Variants in COL25A1 observed in about 807,000 individuals in gnomAD.
The protein encoded by COL25A1 is collagen alpha-1(XXV) chain.
In COL25A1, 103 loss-of-function variants were observed where a neutral mutation model predicts 128.4. The observed-to-expected ratio is 0.80, with a 90% CI of 0.68 to 0.94. The LOEUF (loss-of-function observed/expected upper bound fraction) is 0.94. COL25A1 is among the 40% of genes least tolerant of loss of function. The pLI is 0.00. For missense variants in COL25A1, 745 were observed against 840.0 expected (o/e 0.89, Z 1.40); for synonymous variants, 279 against 277.2 (o/e 1.01, Z -0.06).
At chr4:109,139,818 C>T (rs1411400495) in intron 3 of COL25A1, among the ~76,000 whole-genome samples, 3 of 151,182 alleles carry the variant, frequency 2.0e-5, no homozygotes, top group African/African-American at 7.3e-5. Context: ...TGCTATCCCA[C>T]CCCCTCCCCC....
At chr4:109,121,725 A>C (rs563433810) in intron 3 of COL25A1, among the ~76,000 whole-genome samples, 3 of 152,242 alleles carry the variant, frequency 2.0e-5, no homozygotes. Context: ...AGTTTCTTAC[A>C]AAATGAAACA....
intron 5 of COL25A1, among the ~76,000 whole-genome samples, chr4:109,028,281 T>A (rs1189818613): frequency 6.6e-6 from 1 of 152,136 alleles, no homozygotes; most frequent in Non-Finnish European, 1.5e-5. Flanking sequence ...GCTAATTTTC[T>A]ATTTTTTTGT....
At chr4:109,021,021 T>C (rs1757693708) in intron 5 of COL25A1, among the ~76,000 whole-genome samples, 2 of 152,204 alleles carry the variant, frequency 1.3e-5, no homozygotes, top group African/African-American at 4.8e-5. Context: ...CATGGTGCAA[T>C]ACTCTCTCGA....
intron 3 of COL25A1, among the ~76,000 whole-genome samples, chr4:109,230,564 T>C (rs944446216): frequency 2.0e-5 from 3 of 152,208 alleles, no homozygotes; most frequent in Non-Finnish European, 4.4e-5. Context: ...GAAGATGCTA[T>C]AAAACTTAAC....
chr4:109,061,111 C>T (rs1366019153), intron 3 of COL25A1, among the ~76,000 whole-genome samples: 1 of 152,184 alleles, frequency 6.6e-6, no homozygotes, highest in Non-Finnish European at 1.5e-5. Flanking sequence ...AAATCCAACC[C>T]TAAGTCTCCA....
intron 3 of COL25A1, among the ~76,000 whole-genome samples, chr4:109,201,233 T>C (rs1438972127): frequency 6.6e-6 from 1 of 152,146 alleles, no homozygotes. Context: ...TAATTTATGA[T>C]AAAGAATAGA....
intron 6 of COL25A1, among the ~76,000 whole-genome samples, chr4:108,987,012 G>A (rs1310177953): frequency 6.6e-6 from 1 of 152,126 alleles, no homozygotes; most frequent in Non-Finnish European, 1.5e-5. Flanking sequence ...TGGGTGATAG[G>A]TCTAGGTCAA....
At chr4:109,101,897 C>G (rs932323569) in intron 3 of COL25A1, among the ~76,000 whole-genome samples, 1 of 152,124 alleles carries the variant, frequency 6.6e-6, no homozygotes, top group Non-Finnish European at 1.5e-5. Flanking sequence ...AACTCACAAC[C>G]AAGAGTTTAA....
At chr4:109,146,217 A>C (rs951806198) in intron 3 of COL25A1, among the ~76,000 whole-genome samples, 1 of 152,204 alleles carries the variant, frequency 6.6e-6, no homozygotes, top group Non-Finnish European at 1.5e-5. Flanking sequence ...ACTGTTAAGT[A>C]AAAATGTATT....
At position 108,993,713 on chromosome 4, in the gene COL25A1, A is replaced by T. The variant is rs191538148; in HGVS notation, c.438+16645T>A. Reference sequence around the variant, plus strand: ...CATCTCTACTAAAAATACAAAAATTAGCTGGGCGTGGTGGTAGGTTCCTGT... The same window carrying T: ...CATCTCTACTAAAAATACAAAAATTTGCTGGGCGTGGTGGTAGGTTCCTGT... On this transcript the variant is annotated intron_variant, in intron 6 of 37. Coordinates refer to ENST00000399132, the MANE Select transcript of COL25A1 (RefSeq NM_198721.4). Among the ~76,000 whole-genome samples, 131 of 152,182 alleles carry T rather than the reference A, an allele frequency of 8.6e-4. 1 individual carries two copies. Among genetic ancestry groups the T allele is most frequent in the African/African-American group, 3.0e-3 (125 of 41,524 alleles).
At chr4:109,283,705 C>T (rs1723603810) in intron 3 of COL25A1, among the ~76,000 whole-genome samples, 1 of 152,218 alleles carries the variant, frequency 6.6e-6, no homozygotes, top group African/African-American at 2.4e-5. Context: ...AGACTTTAGT[C>T]CAACCCAGAG....
At chr4:108,928,738 G>A (rs1746383153) in intron 11 of COL25A1, among the ~76,000 whole-genome samples, 1 of 151,938 alleles carries the variant, frequency 6.6e-6, no homozygotes, top group African/African-American at 2.4e-5. Flanking sequence ...TTGTAGAAAT[G>A]GGTTTTCACC....
At chr4:109,123,382 T>C (rs1044352540) in intron 3 of COL25A1, among the ~76,000 whole-genome samples, 3 of 152,092 alleles carry the variant, frequency 2.0e-5, no homozygotes, top group African/African-American at 7.2e-5. Flanking sequence ...CATATCATTC[T>C]ATTAAATATG....
At chr4:108,817,569 A>G in intron 36 of COL25A1, 134 bp from the exon 37 acceptor site, 1 of 662,794 alleles carries the variant, frequency 1.5e-6, no homozygotes, top group South Asian at 2.1e-5. Flanking sequence ...TTTACTAATT[A>G]GCAACTCCCG....
chr4:108,819,408 A>G lies in COL25A1; in HGVS notation c.1846-79T>C, dbSNP rs112656770. ...CAAATTCTGCGAAAGAAGTAACTAC[A>G]ACAACAAAGGCTGGGAGAGGAGCAA... On this transcript the variant is annotated intron_variant, in intron 35 of 37. Transcript: ENST00000399132. 3,063 of 1,190,132 alleles carry G rather than the reference A, an allele frequency of 2.6e-3. 41 individuals carry two copies. The African/African-American group carries it at 0.027, about 10-fold the overall frequency. The allele number at this position is 1,190,132 out of a possible 1,614,324, so 73.7% of individuals were successfully genotyped here. A position where few individuals can be genotyped will look rare whatever the true frequency, so the allele number is the denominator to read the frequency against.
intron 3 of COL25A1, among the ~76,000 whole-genome samples, chr4:109,239,420 A>ATATATATATT (rs1553965400): frequency 8.0e-6 from 1 of 124,362 alleles, no homozygotes; most frequent in South Asian, 2.5e-4. Context: ...ATATATATAT[A>ATATATATATT]TATTTATTTA....
At chr4:109,012,306 G>A (rs550307077) in intron 5 of COL25A1, among the ~76,000 whole-genome samples, 7 of 152,374 alleles carry the variant, frequency 4.6e-5, no homozygotes, top group African/African-American at 1.7e-4. Flanking sequence ...GAAATTGAGA[G>A]GTGACAACGT....
At position 109,239,850 on chromosome 4, in the gene COL25A1, A is replaced by G. The variant is rs141822406; in HGVS notation, c.367+60733T>C. Among the ~76,000 whole-genome samples, 353 of 152,192 alleles carry G rather than the reference A, an allele frequency of 2.3e-3. 7 individuals carry two copies. In the East Asian group the frequency reaches 0.054, roughly 23 times the overall value. The stretch of plus-strand genomic sequence containing the variant: ...AGCTTATAACACAAACACATTGTAC[A>G]CTTCATAGACTTCCAATTTTTAAAT... On this transcript the variant is annotated intron_variant, in intron 3 of 37. Transcript: ENST00000399132.
intron 3 of COL25A1, among the ~76,000 whole-genome samples, chr4:109,055,110 C>A (rs1761343731): frequency 6.6e-6 from 1 of 152,194 alleles, no homozygotes; most frequent in Non-Finnish European, 1.5e-5. Context: ...CACCTGTTTG[C>A]TTGCTTAATG....
Sources: gnomAD v4.1 joint callset for allele counts (sites outside exome capture counted in the v4.1 genomes callset) on GRCh38, gnomAD v4.1.1 for gene constraint, MANE v1.5 for transcripts, NCBI Gene and HGNC (gene_info 2026-07-23, HGNC 2026-07-21) for gene names.